The following GRHL2 variants were observed in gnomAD, a reference collection of about 807,000 sequenced individuals.
GRHL2 encodes the protein grainyhead-like protein 2 homolog.
Under a neutral mutation model 83.8 loss-of-function variants are expected in GRHL2, and 21 were observed. The ratio of observed to expected loss-of-function variants is 0.25; its 90% CI spans 0.18 to 0.36. The LOEUF (loss-of-function observed/expected upper bound fraction) is 0.36. Among genes scored for constraint, GRHL2 ranks in the 10% least tolerant of loss-of-function variants. GRHL2 has a pLI of 1.00. For missense variants in GRHL2, 623 were observed against 781.8 expected (o/e 0.80, Z 2.42); for synonymous variants, 280 against 278.9 (o/e 1.00, Z -0.04).
chr8:101,669,254 C>CTTTTCTTT lies in GRHL2; in HGVS notation c.*2555_*2556insCTTTTTTT, dbSNP rs77984682. On this transcript the variant is annotated 3_prime_UTR_variant, in exon 16 of 16. Coordinates refer to ENST00000646743, the MANE Select transcript of GRHL2 (RefSeq NM_024915.4). ...GGACATGTGAAATGAGCATTTTTTT[C>CTTTTCTTT]TTTTTTTTTTTTAACAAAGTCTGAA... 6.5e-3 allele frequency: 824 copies of CTTTTCTTT among 126,644 alleles called. 16 individuals carry two copies. The highest frequency in any genetic ancestry group is 0.021 in the African/African-American group (765 of 35,608). The allele number at this position is 126,644 out of a possible 1,614,324, so 7.8% of individuals were successfully genotyped here. A position where few individuals can be genotyped will look rare whatever the true frequency, so the allele number is the denominator to read the frequency against.
chr8:101,576,902 A>G (rs1259707575), intron 6 of GRHL2, among the ~76,000 whole-genome samples: 1 of 152,152 alleles, frequency 6.6e-6, no homozygotes, highest in East Asian at 1.9e-4. Context: ...ACCAATATGA[A>G]TTTGTCTTTC....
rs1811190420 is a variant in GRHL2, at chr8:101,543,182, TA to T, written c.21-58del. ...TGTAGTCATGTAATATGTATATTAT[TA>T]GGGGTAAAAAATTTGCTCTCTCTGA... On this transcript the variant is annotated intron_variant, in intron 1 of 15. Transcript: ENST00000646743. The T allele has an allele frequency of 5.8e-6, 7 of 1,199,142 alleles. No individual in the cohort carries two copies. In the East Asian group the frequency reaches 1.4e-4, roughly 24 times the overall value. 74.3% of individuals were successfully genotyped at this position (1,199,142 alleles called of 1,614,324 possible).
chr8:101,569,207 G>A (rs147848201), intron 4 of GRHL2, among the ~76,000 whole-genome samples: 10 of 152,216 alleles, frequency 6.6e-5, no homozygotes, highest in East Asian at 1.9e-4. Flanking sequence ...GCTTTTGGTC[G>A]TCTACTTTTG....
At chr8:101,653,658 C>T (rs2129720665) in intron 14 of GRHL2, among the ~76,000 whole-genome samples, 1 of 152,104 alleles carries the variant, frequency 6.6e-6, no homozygotes, top group Middle Eastern at 3.4e-3. Context: ...AAGAGAATCA[C>T]TTGAACACAG....
At chr8:101,534,887 A>G (rs1811010658) in intron 1 of GRHL2, among the ~76,000 whole-genome samples, 1 of 152,190 alleles carries the variant, frequency 6.6e-6, no homozygotes, top group Non-Finnish European at 1.5e-5. Context: ...GTGATTGAAG[A>G]GCAGATGTTT....
At chr8:101,572,548 C>A (rs181781312) in intron 5 of GRHL2, among the ~76,000 whole-genome samples, 4 of 152,248 alleles carry the variant, frequency 2.6e-5, no homozygotes, top group Admixed American at 2.6e-4. Context: ...CATCTTTGTG[C>A]CCAGCCTTCC....
the GRHL2 span, among the ~76,000 whole-genome samples, chr8:101,680,047 A>G: frequency 8.4e-6 from 1 of 119,322 alleles, no homozygotes; most frequent in South Asian, 3.5e-4. Context: ...CTATCATCAT[A>G]ATGACAGGAT....
intron 1 of GRHL2, among the ~76,000 whole-genome samples, chr8:101,502,160 A>C (rs933448138): frequency 1.5e-4 from 23 of 152,238 alleles, no homozygotes; most frequent in Non-Finnish European, 3.1e-4. Flanking sequence ...TGCCAATAAG[A>C]TAATTAACAT....
chr8:101,537,746 C>CTGCCCTGTTACATAA (rs1811071790), intron 1 of GRHL2, among the ~76,000 whole-genome samples: 1 of 152,022 alleles, frequency 6.6e-6, no homozygotes, highest in Non-Finnish European at 1.5e-5. Flanking sequence ...AGATTTAAAC[C>CTGCCCTGTTACATAA]GAAGTTACCC....
At chr8:101,632,695 T>A (rs913057697) in intron 11 of GRHL2, among the ~76,000 whole-genome samples, 1 of 152,220 alleles carries the variant, frequency 6.6e-6, no homozygotes, top group African/African-American at 2.4e-5. Flanking sequence ...ACAATAGAGC[T>A]CCACCTAATG....
chr8:101,539,251 T>A (rs188756060), intron 1 of GRHL2, among the ~76,000 whole-genome samples: 3 of 152,340 alleles, frequency 2.0e-5, no homozygotes, highest in Admixed American at 1.3e-4. Context: ...CAGCAATGTG[T>A]GCGTCTCTGA....
At chr8:101,671,446 G>C (rs138470731), downstream of GRHL2, among the ~76,000 whole-genome samples, 1 of 152,184 alleles carries the variant, frequency 6.6e-6, no homozygotes, top group Non-Finnish European at 1.5e-5. Context: ...ACTGCAAGGC[G>C]GCAGCGATGC....
chr8:101,602,251 G>T, intron 8 of GRHL2, among the ~76,000 whole-genome samples: 1 of 152,208 alleles, frequency 6.6e-6, no homozygotes, highest in East Asian at 1.9e-4. Flanking sequence ...AAAATTGCAT[G>T]ATTGTTGACA....
chr8:101,552,882 A>G, intron 3 of GRHL2, 100 bp downstream of exon 3: 1 of 1,092,444 alleles, frequency 9.2e-7, no homozygotes, highest in South Asian at 1.3e-5. Flanking sequence ...GGGGTCAAGA[A>G]GCTTAGCATC....
intron 1 of GRHL2, among the ~76,000 whole-genome samples, chr8:101,541,655 T>C (rs902054417): frequency 9.9e-5 from 15 of 152,108 alleles, no homozygotes; most frequent in Admixed American, 3.3e-4. Flanking sequence ...GTCTCATTGT[T>C]CCATGTTGGT....
intron 7 of GRHL2, among the ~76,000 whole-genome samples, chr8:101,592,286 G>C (rs1812304085): frequency 6.6e-6 from 1 of 151,772 alleles, no homozygotes; most frequent in Non-Finnish European, 1.5e-5. Flanking sequence ...TGTATTTTCA[G>C]TAGAGATGGG....
chr8:101,598,968 A>T, intron 7 of GRHL2, 89 bp from the exon 8 acceptor site: 1 of 892,294 alleles, frequency 1.1e-6, no homozygotes, highest in Non-Finnish European at 1.9e-6. Flanking sequence ...AACGAAGTTT[A>T]AATTTACCCA....
At chr8:101,640,911 C>T (rs1396154297) in intron 12 of GRHL2, among the ~76,000 whole-genome samples, 2 of 152,184 alleles carry the variant, frequency 1.3e-5, no homozygotes, top group African/African-American at 4.8e-5. Flanking sequence ...CATGATCTCC[C>T]TTGGAACCAC....
chr8:101,612,043 G>A (rs1812760691), intron 8 of GRHL2, among the ~76,000 whole-genome samples: 1 of 150,892 alleles, frequency 6.6e-6, no homozygotes, highest in East Asian at 1.9e-4. Context: ...TGGATGGAGT[G>A]CAATGGCGGG....
Sources: allele counts gnomAD v4.1 joint callset (sites outside exome capture counted in the v4.1 genomes callset), GRCh38; gene constraint gnomAD v4.1.1; transcripts MANE v1.5; gene names NCBI Gene and HGNC (gene_info 2026-07-23, HGNC 2026-07-21).